SUFU: variants seen among roughly 807,000 people sequenced by gnomAD.
The protein encoded by SUFU is SUFU negative regulator of hedgehog signaling, also known as suppressor of fused homolog.
Under a neutral mutation model 58.9 loss-of-function variants are expected in SUFU, and 7 were observed. The observed-to-expected ratio is 0.12, with a 90% CI of 0.07 to 0.22. The LOEUF (loss-of-function observed/expected upper bound fraction) is 0.22. Ranked by LOEUF, SUFU falls within the 10% of genes least tolerant of loss-of-function variation. The pLI is 1.00. For synonymous variants in SUFU, 232 were observed against 254.8 expected (o/e 0.91, Z 0.85); for missense variants, 451 against 641.3 (o/e 0.70, Z 3.20).
In SUFU at chr10:102,504,349, G is replaced by A. The variant is rs749966040; in HGVS notation, c.182+15G>A. The A allele has an allele frequency of 6.2e-7, 1 of 1,613,906 alleles. No individual in the cohort carries two copies. Among genetic ancestry groups the A allele is most frequent in the Non-Finnish European group, 8.5e-7 (1 of 1,179,932 alleles). ...GTCAAGTACTGGTATGCTCTGGGCC[G>A]CGGGGAGACGGACAGGCGCGGGCTG... is the stretch of plus-strand genomic sequence containing the variant. On this transcript the variant is annotated intron_variant, in intron 1 of 11. Coordinates refer to ENST00000369902, the MANE Select transcript of SUFU (RefSeq NM_016169.4).
chr10:102,562,071 CTG>C (rs1210992349), intron 3 of SUFU, among the ~76,000 whole-genome samples: 4 of 152,174 alleles, frequency 2.6e-5, no homozygotes, highest in Non-Finnish European at 5.9e-5. Flanking sequence ...CAGCCTGCCT[CTG>C]TAAGTCAGAG....
intron 3 of SUFU, among the ~76,000 whole-genome samples, chr10:102,565,845 C>A (rs529577822): frequency 6.6e-6 from 1 of 152,182 alleles, no homozygotes; most frequent in Non-Finnish European, 1.5e-5. Context: ...CACGCCTGGC[C>A]GAAAGCATTT....
intron 2 of SUFU, among the ~76,000 whole-genome samples, chr10:102,516,223 C>T (rs546922563): frequency 4.6e-4 from 66 of 143,946 alleles, no homozygotes; most frequent in Admixed American, 8.0e-4. Flanking sequence ...TATAGGTGTG[C>T]GCCACCATGC....
rs541948347 is a variant in SUFU at position 102,624,986 on chromosome 10, G to A, written c.1297-2189G>A. Among the ~76,000 whole-genome samples the A allele has an allele frequency of 7.2e-5, 11 of 152,296 alleles. 1 individual carries two copies. The highest frequency in any genetic ancestry group is 2.6e-4 in the African/African-American group (11 of 41,550). The stretch of plus-strand genomic sequence containing the variant: ...AAATTAGCCCAGCCCGGCCCAGACT[G>A]GAGCCATTGTAATATAATTGGGTTT... On this transcript the variant is annotated intron_variant, in intron 10 of 11. Transcript: ENST00000369902.
intron 8 of SUFU, 40 bp downstream of exon 8, chr10:102,599,584 A>T: frequency 6.4e-7 from 1 of 1,555,172 alleles, no homozygotes; most frequent in Non-Finnish European, 8.9e-7. Flanking sequence ...CAAGAGGACG[A>T]CTTTTTTCTG....
In SUFU at chr10:102,597,231, A is replaced by G. The variant is rs763598499; in HGVS notation, c.848A>G (p.Glu283Gly). 1.7e-5 allele frequency: 27 copies of G among 1,613,950 alleles called. No homozygotes were observed. Among genetic ancestry groups the G allele is most frequent in the Non-Finnish European group, 2.3e-5 (27 of 1,179,994 alleles). The change falls in exon 7 of 12, where the codon GAG becomes GGG. Residue 283 changes from glutamate (E) to glycine (G), a missense_variant. Glu to Gly is a moderately conservative substitution (Grantham distance 98). Coordinates refer to ENST00000369902, the MANE Select transcript of SUFU (RefSeq NM_016169.4). ...TGGGATGACCTGAGCCGGCCCCCCG[A>G]GGATGACGAGGACAGCCGGAGCATC... ...CAWDDLSRPPEDDEDSRSICI... is the reference protein window; with the variant it reads ...CAWDDLSRPPGDDEDSRSICI...
chr10:102,546,236 G>A (rs1420877498), intron 2 of SUFU, among the ~76,000 whole-genome samples: 3 of 152,202 alleles, frequency 2.0e-5, no homozygotes, highest in Non-Finnish European at 4.4e-5. Context: ...GGACACCCCC[G>A]TGAACAGGAT....
intron 10 of SUFU, among the ~76,000 whole-genome samples, chr10:102,620,799 C>T (rs1004794746): frequency 8.5e-5 from 13 of 152,268 alleles, no homozygotes; most frequent in East Asian, 1.9e-4. Flanking sequence ...GTCTTCTGAG[C>T]GGGAGCCCGG....
chr10:102,569,962 A>G (rs1376769397), intron 3 of SUFU, among the ~76,000 whole-genome samples: 1 of 152,234 alleles, frequency 6.6e-6, no homozygotes, highest in Admixed American at 6.5e-5. Context: ...ATGACCCACA[A>G]CAGGTATTTA....
chr10:102,566,626 G>A (rs970562838), intron 3 of SUFU, among the ~76,000 whole-genome samples: 8 of 152,010 alleles, frequency 5.3e-5, no homozygotes, highest in South Asian at 4.1e-4. Flanking sequence ...TAAACCAGGC[G>A]TGGTGGCGGG....
intron 3 of SUFU, among the ~76,000 whole-genome samples, chr10:102,562,914 G>A (rs2135778308): frequency 6.6e-6 from 1 of 152,262 alleles, no homozygotes; most frequent in South Asian, 2.1e-4. Flanking sequence ...AGTAGATATT[G>A]AGCACCAATA....
intron 2 of SUFU, among the ~76,000 whole-genome samples, chr10:102,514,935 G>A (rs1323305932): frequency 6.6e-6 from 1 of 152,214 alleles, no homozygotes; most frequent in Non-Finnish European, 1.5e-5. Flanking sequence ...TGTACAAGTC[G>A]GGCTGGTTCC....
intron 2 of SUFU, among the ~76,000 whole-genome samples, chr10:102,541,662 G>A (rs1200688782): frequency 1.4e-5 from 2 of 143,638 alleles, no homozygotes; most frequent in African/African-American, 5.1e-5. Context: ...GCCTCCCAAA[G>A]TGCTAGGATT....
intron 3 of SUFU, chr10:102,572,868 A>C: frequency 1.2e-6 from 1 of 803,802 alleles, no homozygotes; most frequent in Admixed American, 1.7e-5. Context: ...CCTTGGTCAC[A>C]TCAGTGTCAT....
intron 8 of SUFU, among the ~76,000 whole-genome samples, chr10:102,607,083 G>A (rs1417249153): frequency 1.3e-5 from 2 of 150,384 alleles, no homozygotes; most frequent in African/African-American, 4.9e-5. Flanking sequence ...TTTTGAGACG[G>A]CGTCTGACTC....
At chr10:102,503,462 A>G (rs1000411697), upstream of SUFU, among the ~76,000 whole-genome samples, 3 of 152,218 alleles carry the variant, frequency 2.0e-5, no homozygotes, top group Non-Finnish European at 2.9e-5. Flanking sequence ...ATGGTTGAGA[A>G]AATGGAGGTG....
At chr10:102,516,651 G>A (rs910153020) in intron 2 of SUFU, among the ~76,000 whole-genome samples, 25 of 152,076 alleles carry the variant, frequency 1.6e-4, no homozygotes, top group East Asian at 2.0e-4. Context: ...GGGTTCAAGC[G>A]ATTGTCCTGC....
rs142688418 is a variant in SUFU at position 102,569,345 on chromosome 10, G to A, written c.454+19239G>A. On this transcript the variant is annotated intron_variant, in intron 3 of 11. Coordinates refer to ENST00000369902, the MANE Select transcript of SUFU (RefSeq NM_016169.4). ...AAGCACTGTGTAGTCTTTCAAGTCC[G>A]TAAAATAAGACACAGGACTCTTCCC... 2.0e-3 allele frequency among the ~76,000 whole-genome samples: 304 copies of A among 152,224 alleles called. 1 individual carries two copies. Among genetic ancestry groups the A allele is most frequent in the African/African-American group, 6.5e-3 (270 of 41,530 alleles).
chr10:102,629,063 C>T lies in SUFU; in HGVS notation c.1366-1003C>T, dbSNP rs922690413. Among the ~76,000 whole-genome samples the T allele has an allele frequency of 3.3e-5, 5 of 152,016 alleles. No individual in the cohort carries two copies. The highest frequency in any genetic ancestry group is 7.4e-5 in the Non-Finnish European group (5 of 67,998). ...CTCAGCTACTCGGGAGGCTGAGGCA[C>T]GAGAATCGCTTGAACCCGGGAAGCA... On this transcript the variant is annotated intron_variant, in intron 11 of 11. Coordinates refer to ENST00000369902, the MANE Select transcript of SUFU (RefSeq NM_016169.4). The surrounding 1 kb of genome is among the most constrained non-coding windows in gnomAD (Gnocchi z 4.7).
Sources: gnomAD v4.1 joint callset for allele counts (sites outside exome capture counted in the v4.1 genomes callset) on GRCh38, gnomAD v4.1.1 for gene constraint, Gnocchi (gnomAD v3.1) non-coding constraint, MANE v1.5 for transcripts, NCBI Gene and HGNC (gene_info 2026-07-23, HGNC 2026-07-21) for gene names.